The following NBEA variants were observed in gnomAD, a reference collection of about 807,000 sequenced individuals.
NBEA encodes the protein lysosomal-trafficking regulator 2.
In NBEA, 44 loss-of-function variants were observed where a neutral mutation model predicts 343.4. That is an observed-to-expected ratio of 0.13 (90% CI 0.10 to 0.16). The LOEUF is 0.16. NBEA is among the 10% of genes least tolerant of loss of function. The pLI is 1.00. For synonymous variants in NBEA, 1,175 were observed against 1,238.7 expected, an observed-to-expected ratio of 0.95 and a Z score of 1.08; for missense variants, 2,555 against 3,631.3, an observed-to-expected ratio of 0.70 and a Z score of 7.62.
chr13:35,459,017 C>A (rs12864489), intron 40 of NBEA, among the ~76,000 whole-genome samples: 50,303 of 77,796 alleles, frequency 0.65, 18,470 homozygotes, highest in Admixed American at 0.76. Flanking sequence ...CCCCCCCCCC[C>A]CACACACACA....
chr13:35,335,359 CT>C (rs2039187255), intron 36 of NBEA, among the ~76,000 whole-genome samples: 1 of 152,024 alleles, frequency 6.6e-6, no homozygotes, highest in Admixed American at 6.6e-5. Flanking sequence ...TGACCATTGG[CT>C]TTTTTCTATT....
chr13:35,669,159 A>G (rs1427137284), intron 58 of NBEA, among the ~76,000 whole-genome samples: 1 of 152,146 alleles, frequency 6.6e-6, no homozygotes, highest in Non-Finnish European at 1.5e-5. Flanking sequence ...TTGTTCCTCA[A>G]TTTGCAATAG....
At chr13:35,450,507 T>C (rs2046257440) in intron 39 of NBEA, among the ~76,000 whole-genome samples, 1 of 151,834 alleles carries the variant, frequency 6.6e-6, no homozygotes, top group Non-Finnish European at 1.5e-5. Context: ...AACAAAATGG[T>C]TGAGCAAACA....
At chr13:35,494,408 A>T (rs917838337) in intron 41 of NBEA, among the ~76,000 whole-genome samples, 1 of 152,038 alleles carries the variant, frequency 6.6e-6, no homozygotes, top group African/African-American at 2.4e-5. Flanking sequence ...TGAAAAATAA[A>T]TCTGTAGTCT....
intron 49 of NBEA, among the ~76,000 whole-genome samples, chr13:35,643,307 C>T (rs1178659704): frequency 1.3e-5 from 2 of 152,052 alleles, no homozygotes; most frequent in East Asian, 3.9e-4. Context: ...CCCCTGTGTC[C>T]TGCTCCCTAC....
chr13:35,119,995 T>G (rs7986756), intron 16 of NBEA, among the ~76,000 whole-genome samples: 1 of 152,210 alleles, frequency 6.6e-6, no homozygotes, highest in South Asian at 2.1e-4. Flanking sequence ...TGTAGTACAA[T>G]TACTCTCACT....
Position 35,534,601 on chromosome 13 carries a change from A to G in NBEA, c.6586-15876A>G, listed in dbSNP as rs555075655. 1.6e-3 allele frequency among the ~76,000 whole-genome samples: 249 copies of G among 152,230 alleles called. 1 individual carries two copies. The highest frequency in any genetic ancestry group is 4.4e-3 in the African/African-American group (181 of 41,550). On this transcript the variant is annotated intron_variant, in intron 41 of 58. Transcript: ENST00000379939. ...ACAGCCTCTTGCCTGTAGACATGTG[A>G]CCTCTGTACTTGGAGTGGAAACACC...
At chr13:35,615,488 C>T (rs937451572) in intron 48 of NBEA, among the ~76,000 whole-genome samples, 1 of 152,020 alleles carries the variant, frequency 6.6e-6, no homozygotes, top group East Asian at 1.9e-4. Flanking sequence ...GGATTATAGG[C>T]ATGCACCACC....
At chr13:35,395,063 A>C (rs1230675845) in intron 38 of NBEA, among the ~76,000 whole-genome samples, 1 of 152,072 alleles carries the variant, frequency 6.6e-6, no homozygotes, top group East Asian at 1.9e-4. Flanking sequence ...GTTCATAGAG[A>C]TCTTGTTATT....
At chr13:34,975,260 AATAGACAC>A (rs1460575226) in intron 1 of NBEA, among the ~76,000 whole-genome samples, 4 of 152,332 alleles carry the variant, frequency 2.6e-5, no homozygotes, top group Admixed American at 2.6e-4. Context: ...CTGGTATAAA[AATAGACAC>A]ATAGACCAAT....
chr13:35,161,720 T>G (rs773185048), intron 22 of NBEA, 30 bp from the exon 23 acceptor site: 4 of 1,537,204 alleles, frequency 2.6e-6, no homozygotes, highest in Non-Finnish European at 3.6e-6. Context: ...TCTTTTGTAT[T>G]CCACAAAAGT....
chr13:35,554,925 T>C (rs2079513601), intron 43 of NBEA, 62 bp from the exon 44 acceptor site: 13 of 734,056 alleles, frequency 1.8e-5, no homozygotes, highest in South Asian at 1.1e-4. Flanking sequence ...TTAGTTAATA[T>C]TGGATTTTTT....
At chr13:35,178,316 A>G (rs2071057478) in intron 28 of NBEA, among the ~76,000 whole-genome samples, 1 of 151,736 alleles carries the variant, frequency 6.6e-6, no homozygotes, top group Admixed American at 6.6e-5. Context: ...AATTTGTTTA[A>G]CTTAATGTTT....
At chr13:35,123,671 A>G in intron 17 of NBEA, 97 bp downstream of exon 17, 1 of 636,882 alleles carries the variant, frequency 1.6e-6, no homozygotes, top group Admixed American at 4.1e-5. Flanking sequence ...TTGACTTGAA[A>G]AATCTAACAG....
At chr13:35,521,342 T>C (rs1276323084) in intron 41 of NBEA, among the ~76,000 whole-genome samples, 2 of 152,212 alleles carry the variant, frequency 1.3e-5, no homozygotes, top group African/African-American at 4.8e-5. Context: ...CCACAGGTTC[T>C]AATTCTGATT....
intron 43 of NBEA, among the ~76,000 whole-genome samples, chr13:35,551,627 TA>T (rs2079331404): frequency 6.6e-6 from 1 of 152,184 alleles, no homozygotes; most frequent in Non-Finnish European, 1.5e-5. Context: ...TGGCTCGAAA[TA>T]ACTGAATACC....
intron 28 of NBEA, among the ~76,000 whole-genome samples, chr13:35,178,731 GT>G (rs1173906259): frequency 1.3e-5 from 2 of 151,010 alleles, no homozygotes; most frequent in Admixed American, 1.3e-4. Flanking sequence ...AATAATGAAG[GT>G]TTTTTTAAAA....
intron 10 of NBEA, among the ~76,000 whole-genome samples, chr13:35,088,657 CT>C (rs201929373): frequency 2.6e-5 from 4 of 151,928 alleles, no homozygotes; most frequent in East Asian, 1.9e-4. Flanking sequence ...AGTATACAAA[CT>C]TTTTTTAAAA....
At chr13:35,271,872 A>G (rs951779843) in intron 34 of NBEA, among the ~76,000 whole-genome samples, 3 of 152,250 alleles carry the variant, frequency 2.0e-5, no homozygotes, top group African/African-American at 4.8e-5. Flanking sequence ...GACCAACTCT[A>G]CGCTTGATTG....
Sources: allele counts gnomAD v4.1 joint callset (sites outside exome capture counted in the v4.1 genomes callset), GRCh38; gene constraint gnomAD v4.1.1; transcripts MANE v1.5; gene names NCBI Gene and HGNC (gene_info 2026-07-23, HGNC 2026-07-21).